ZSWIM4: variants seen among roughly 807,000 people sequenced by gnomAD.
ZSWIM4 encodes the protein zinc finger SWIM domain-containing protein 4.
In ZSWIM4, 62 loss-of-function variants were observed where a neutral mutation model predicts 102.5. That is an observed-to-expected ratio of 0.60 (90% CI 0.49 to 0.75). The LOEUF (loss-of-function observed/expected upper bound fraction) is 0.75, where lower values mean the gene tolerates loss of function less well. Ranked by LOEUF, ZSWIM4 falls within the 30% of genes least tolerant of loss-of-function variation. The pLI, the probability that ZSWIM4 is intolerant of heterozygous loss-of-function variation, is 0.00. For synonymous variants in ZSWIM4, 652 were observed against 674.5 expected, an observed-to-expected ratio of 0.97 and a Z score of 0.52; for missense variants, 1,280 against 1,529.6, an observed-to-expected ratio of 0.84 and a Z score of 2.72.
intron 1 of ZSWIM4, among the ~76,000 whole-genome samples, chr19:13,797,686 T>C (rs916411306): frequency 3.3e-5 from 5 of 152,192 alleles, no homozygotes; most frequent in African/African-American, 1.2e-4. Flanking sequence ...CGAGTCTCAG[T>C]CTGTTGCCAA....
chr19:13,799,148 A>C (rs1200948934), intron 1 of ZSWIM4, among the ~76,000 whole-genome samples: 1 of 150,690 alleles, frequency 6.6e-6, no homozygotes, highest in Admixed American at 6.6e-5. Flanking sequence ...TGGTGCAATC[A>C]TGGCTCACTG....
Position 13,804,960 on chromosome 19 carries a change from G to A in ZSWIM4, c.524G>A (p.Arg175His), listed in dbSNP as rs1293228673. The A allele has an allele frequency of 3.1e-6, 5 of 1,613,030 alleles. No homozygotes were observed. Among genetic ancestry groups the A allele is most frequent in the Admixed American group, 1.7e-5 (1 of 59,996 alleles). The change falls in exon 3 of 14, where the codon CGC becomes CAC. Residue 175 changes from arginine (R) to histidine (H), a missense_variant. Coordinates refer to ENST00000590508, the MANE Select transcript of ZSWIM4 (RefSeq NM_001367834.3). ...CACGTGGTGGCCCTGTCCCTGTACC[G>A]CATTCGGCACGCCCACCAGGTGGAG... ...CAHVVALSLYRIRHAHQVELR... is the reference protein window; with the variant it reads ...CAHVVALSLYHIRHAHQVELR...
intron 12 of ZSWIM4, 100 bp from the exon 13 acceptor site, chr19:13,828,545 T>C (rs1655499411): frequency 9.9e-7 from 1 of 1,005,632 alleles, no homozygotes; most frequent in Non-Finnish European, 1.5e-6. Context: ...GGATCAGCTT[T>C]AACCTCCAAG....
At chr19:13,829,939 G>T (rs1975711937) in intron 13 of ZSWIM4, among the ~76,000 whole-genome samples, 1 of 152,214 alleles carries the variant, frequency 6.6e-6, no homozygotes, top group Non-Finnish European at 1.5e-5. Context: ...CTGGACAAAG[G>T]CCTAGAGGCT....
At chr19:13,813,446 G>T (rs1378638760) in intron 6 of ZSWIM4, among the ~76,000 whole-genome samples, 3 of 151,950 alleles carry the variant, frequency 2.0e-5, no homozygotes, top group African/African-American at 7.3e-5. Context: ...GCTAGCTATG[G>T]GACCAAAGAG....
At chr19:13,827,588 CAAAAAAAAAAA>C (rs35504300) in intron 12 of ZSWIM4, among the ~76,000 whole-genome samples, 2 of 72,518 alleles carry the variant, frequency 2.8e-5, no homozygotes, top group Non-Finnish European at 5.5e-5. Flanking sequence ...GTGAGACCCT[CAAAAAAAAAAA>C]AAAAAAAAGA....
chr19:13,821,515 A>G (rs1462769559), intron 10 of ZSWIM4, among the ~76,000 whole-genome samples: 1 of 152,156 alleles, frequency 6.6e-6, no homozygotes, highest in Non-Finnish European at 1.5e-5. Context: ...ACTGCACGCC[A>G]GCCTGGGCAA....
chr19:13,798,198 A>T (rs1974662054), intron 1 of ZSWIM4, among the ~76,000 whole-genome samples: 1 of 151,930 alleles, frequency 6.6e-6, no homozygotes. Context: ...TTGCGCAATG[A>T]CACAATCATA....
Position 13,795,565 on chromosome 19 carries a change from G to T in ZSWIM4, c.-84G>T. On this transcript the variant is annotated 5_prime_UTR_variant, in exon 1 of 14. Transcript: ENST00000590508. ...GGACGGACGGGAAGGAGGGCAGGGG[G>T]CGCGGGAGCCGGCGAAGCGGAGCGG... The T allele has an allele frequency of 4.4e-6, 1 of 226,060 alleles. No homozygotes were observed. The highest frequency in any genetic ancestry group is 8.4e-6 in the Non-Finnish European group (1 of 118,596). The allele number at this position is 226,060 out of a possible 1,614,324, so 14.0% of individuals were successfully genotyped here. A position where few individuals can be genotyped will look rare whatever the true frequency, so the allele number is the denominator to read the frequency against.
In ZSWIM4 at chr19:13,805,075, T is replaced by G; in HGVS notation, c.639T>G (p.Thr213=). 6.2e-7 allele frequency: 1 copy of G among 1,607,682 alleles called. No individual in the cohort carries two copies. Among genetic ancestry groups the G allele is most frequent in the Non-Finnish European group, 8.5e-7 (1 of 1,179,978 alleles). ...AGTACCTCATCAGCGCCCATCACACTGAGGTGCTGCCCACTGCTCAGCGCT... is the reference window on the plus strand; with the variant it reads ...AGTACCTCATCAGCGCCCATCACACGGAGGTGCTGCCCACTGCTCAGCGCT... The part of the protein sequence containing the change: ...FVQYLISAHH[T]EVLPTAQRLA... Residue 213 remains threonine (T), a synonymous_variant, in exon 3 of 14, where the codon ACT becomes ACG. Transcript: ENST00000590508.
rs112183484 is a variant in ZSWIM4 at position 13,828,822 on chromosome 19, G to C, written c.2461+96G>C. ...GGCAGACAAGAAAGAGAGAAGTGGC[G>C]GGGTGCGGTGGCTCACACCTGTAAT... On this transcript the variant is annotated intron_variant, in intron 13 of 13. Transcript: ENST00000590508. 10,869 of 1,221,524 alleles carry C rather than the reference G, an allele frequency of 8.9e-3. 685 individuals are homozygous for C. In the African/African-American group the frequency reaches 0.14, roughly 16 times the overall value. The allele number at this position is 1,221,524 out of a possible 1,614,324, so 75.7% of individuals were successfully genotyped here. A position where few individuals can be genotyped will look rare whatever the true frequency, so the allele number is the denominator to read the frequency against.
intron 5 of ZSWIM4, among the ~76,000 whole-genome samples, chr19:13,811,646 C>T (rs952725339): frequency 6.6e-6 from 1 of 152,112 alleles, no homozygotes; most frequent in African/African-American, 2.4e-5. Flanking sequence ...GCAGCTTAGA[C>T]GACATGATGA....
rs767610124 is a variant in ZSWIM4 at position 13,804,817 on chromosome 19, C to A, written c.381C>A (p.Arg127=). The A allele has an allele frequency of 3.8e-6, 6 of 1,594,808 alleles. No homozygotes were observed. The African/African-American group carries it at 6.7e-5, about 18-fold the overall frequency. The change falls in exon 3 of 14, where the codon CGC becomes CGA. Residue 127 remains arginine (R), a synonymous_variant. Transcript: ENST00000590508. The part of the protein sequence containing the change: ...QVGFHLSGNI[R]EPGSPGEPER... ...GATTCCACCTGAGCGGAAACATCCGCGAGCCAGGGAGTCCTGGAGAGCCCG... is the reference window on the plus strand; with the variant it reads ...GATTCCACCTGAGCGGAAACATCCGAGAGCCAGGGAGTCCTGGAGAGCCCG...
Position 13,831,104 on chromosome 19 carries a change from C to A in ZSWIM4, c.*54C>A. The A allele has an allele frequency of 1.3e-6, 2 of 1,506,692 alleles. No individual in the cohort carries two copies. Among genetic ancestry groups the A allele is most frequent in the Non-Finnish European group, 1.8e-6 (2 of 1,135,504 alleles). 93.3% of individuals were successfully genotyped at this position (1,506,692 alleles called of 1,614,324 possible). ...TCCCCCTCGCCCCTGCGTCCCCCAC[C>A]CTTGCTCTCCAATTAGGCCCACGTG... is the stretch of plus-strand genomic sequence containing the variant. On this transcript the variant is annotated 3_prime_UTR_variant, in exon 14 of 14. Transcript: ENST00000590508.
chr19:13,821,724 T>A (rs997296732), intron 10 of ZSWIM4, among the ~76,000 whole-genome samples: 5 of 73,780 alleles, frequency 6.8e-5, no homozygotes, highest in South Asian at 3.4e-4. Flanking sequence ...TAGTTTTAAA[T>A]TTTTTTTTTT....
At position 13,801,155 on chromosome 19, in the gene ZSWIM4, G is replaced by A. The variant is rs79361333; in HGVS notation, c.355+1234G>A. 1.9e-3 allele frequency among the ~76,000 whole-genome samples: 264 copies of A among 140,110 alleles called. 4 individuals carry two copies. The South Asian group carries it at 0.023, about 12-fold the overall frequency. The allele number at this position is 140,110 out of a possible 152,430, so 91.9% of individuals were successfully genotyped here. On this transcript the variant is annotated intron_variant, in intron 2 of 13. Coordinates refer to ENST00000590508, the MANE Select transcript of ZSWIM4 (RefSeq NM_001367834.3). The stretch of plus-strand genomic sequence containing the variant: ...GAGATGCTATCTCAAAGAGAAAAAA[G>A]AAAAAAAAAAAGGAAGAGAGGTGAG...
rs1208411455 is a variant in ZSWIM4, at chr19:13,809,118, A to C, written c.910A>C (p.Ile304Leu). The part of the protein sequence containing the change: ...MRDSNGARML[I>L]LMTEQFLQDT... ...GGACTCCAACGGGGCGCGCATGCTG[A>C]TTCTCATGACCGAGCAGTTCCTGCA... Residue 304 changes from isoleucine to leucine, a missense_variant, in exon 5 of 14, where the codon ATT becomes CTT. By Grantham distance (5) the Ile-to-Leu change is conservative (BLOSUM62 2). Coordinates refer to ENST00000590508, the MANE Select transcript of ZSWIM4 (RefSeq NM_001367834.3). This position sits in a 1 kb window ranked among gnomAD's most constrained non-coding sequence, Gnocchi z 4.2. The C allele has an allele frequency of 5.6e-6, 9 of 1,613,712 alleles. No homozygotes were observed. The highest frequency in any genetic ancestry group is 7.6e-6 in the Non-Finnish European group (9 of 1,179,828).
At chr19:13,802,525 A>G (rs1168966890) in intron 2 of ZSWIM4, among the ~76,000 whole-genome samples, 1 of 151,508 alleles carries the variant, frequency 6.6e-6, no homozygotes, top group African/African-American at 2.4e-5. Flanking sequence ...GGTTGCAGTG[A>G]GCCAAGATCA....
At chr19:13,810,494 T>C (rs1008340169) in intron 5 of ZSWIM4, among the ~76,000 whole-genome samples, 4 of 151,950 alleles carry the variant, frequency 2.6e-5, no homozygotes, top group South Asian at 2.1e-4. Flanking sequence ...AGTTTCACCA[T>C]GTTGATCAGG....
Sources: gnomAD v4.1 joint callset for allele counts (sites outside exome capture counted in the v4.1 genomes callset) on GRCh38, gnomAD v4.1.1 for gene constraint, Gnocchi (gnomAD v3.1) non-coding constraint, MANE v1.5 for transcripts, NCBI Gene and HGNC (gene_info 2026-07-23, HGNC 2026-07-21) for gene names.